Variants in SERPINH1 observed in about 807,000 individuals in gnomAD.
The protein encoded by SERPINH1 is serpin family H member 1.
SERPINH1 carries 22 observed loss-of-function variants against 32.3 expected under a neutral mutation model. That is an observed-to-expected ratio of 0.68 (90% confidence interval 0.49 to 0.97). SERPINH1 has a LOEUF of 0.97. Among genes scored for constraint, SERPINH1 ranks in the 50% least tolerant of loss-of-function variants. SERPINH1 has a pLI of 0.00. For synonymous variants in SERPINH1, 251 were observed against 245.9 expected (o/e 1.02, Z -0.19); for missense variants, 543 against 576.4 (o/e 0.94, Z 0.59).
At chr11:75,568,690 C>A in intron 2 of SERPINH1, 41 bp from the exon 3 acceptor site, 1 of 1,346,808 alleles carries the variant, frequency 7.4e-7, no homozygotes, top group Non-Finnish European at 1.1e-6. Context: ...TGTTTGGGGG[C>A]GGCCATGTGT....
intron 4 of SERPINH1, among the ~76,000 whole-genome samples, chr11:75,570,034 A>G (rs1225320642): frequency 1.3e-5 from 2 of 151,868 alleles, no homozygotes; most frequent in East Asian, 3.9e-4. Context: ...CTCCCTTGCA[A>G]CCACCCTGGG....
chr11:75,567,808 TCA>T (rs1160872335), intron 2 of SERPINH1: 2 of 152,244 alleles, frequency 1.3e-5, no homozygotes. Context: ...AACACTATTC[TCA>T]CAGTTTGCTG....
intron 1 of SERPINH1, among the ~76,000 whole-genome samples, chr11:75,565,898 G>A (rs1217802546): frequency 1.3e-5 from 2 of 152,230 alleles, no homozygotes; most frequent in Non-Finnish European, 2.9e-5. Context: ...AGGACCCCAG[G>A]TCTGGCCAAG....
In SERPINH1 at chr11:75,566,325, G is replaced by A. The variant is rs201848361; in HGVS notation, c.-25G>A. The A allele has an allele frequency of 5.0e-6, 8 of 1,601,058 alleles. No individual in the cohort carries two copies. The highest frequency in any genetic ancestry group is 6.8e-6 in the Non-Finnish European group (8 of 1,174,692). On this transcript the variant is annotated 5_prime_UTR_variant, in exon 2 of 5. Transcript: ENST00000358171. The stretch of plus-strand genomic sequence containing the variant: ...TGTGCAATCCTCACAGGCCCACCGT[G>A]GTGCACGCAAACCACTTCCTGGCCA...
chr11:75,568,359 C>T lies in SERPINH1; in HGVS notation c.623-372C>T, dbSNP rs75530338. 7.3e-3 allele frequency: 2,673 copies of T among 365,852 alleles called. 77 individuals are homozygous for T. The highest frequency in any genetic ancestry group is 0.052 in the African/African-American group (2,499 of 47,692). 22.7% of individuals were successfully genotyped at this position (365,852 alleles called of 1,614,324 possible). On this transcript the variant is annotated intron_variant, in intron 2 of 4. Coordinates refer to ENST00000358171, the MANE Select transcript of SERPINH1 (RefSeq NM_001235.5). ...CACTCCCTGCCCAGGGCACAGCTGTCCCCCAGGTACCAGGGAGGGTAGAAA... is the reference window on the plus strand; with the variant it reads ...CACTCCCTGCCCAGGGCACAGCTGTTCCCCAGGTACCAGGGAGGGTAGAAA...
intron 2 of SERPINH1, chr11:75,567,650 G>A (rs116873713): frequency 1.3e-5 from 2 of 152,552 alleles, no homozygotes; most frequent in Non-Finnish European, 2.9e-5. Context: ...AGCAACCTTG[G>A]GGGCAGGCAG....
Position 75,572,257 on chromosome 11 carries a change from A to G in SERPINH1, c.*174A>G. 1 of 681,370 alleles carries G rather than the reference A, an allele frequency of 1.5e-6. No homozygotes were observed. The highest frequency in any genetic ancestry group is 2.6e-6 in the Non-Finnish European group (1 of 381,902). 42.2% of individuals were successfully genotyped at this position (681,370 alleles called of 1,614,324 possible). A position where few individuals can be genotyped will look rare whatever the true frequency, so the allele number is the denominator to read the frequency against. ...GAGCGGACCTTCCCAGCTAGAATTC[A>G]CTCCACTTGGACATGGGCCCCAGAT... On this transcript the variant is annotated 3_prime_UTR_variant, in exon 5 of 5. Transcript: ENST00000358171.
intron 1 of SERPINH1, among the ~76,000 whole-genome samples, chr11:75,565,913 C>T (rs1054267559): frequency 1.1e-4 from 17 of 152,160 alleles, no homozygotes; most frequent in African/African-American, 4.1e-4. Flanking sequence ...GCCAAGTGAC[C>T]CTGTTTTACC....
chr11:75,571,618 G>C (rs1003811995), intron 4 of SERPINH1, among the ~76,000 whole-genome samples, 163 bp from the exon 5 acceptor site: 7 of 152,238 alleles, frequency 4.6e-5, no homozygotes, highest in Admixed American at 2.0e-4. Context: ...AATTGAGAAA[G>C]CTGTGATTTG....
At position 75,562,281 on chromosome 11, in the gene SERPINH1, G is replaced by GC; in HGVS notation, c.-72dup. 1 of 152,330 alleles carries GC rather than the reference G, an allele frequency of 6.6e-6. No homozygotes were observed. The highest frequency in any genetic ancestry group is 2.1e-4 in the South Asian group (1 of 4,832). The allele number at this position is 152,330 out of a possible 1,614,324, so 9.4% of individuals were successfully genotyped here. A position where few individuals can be genotyped will look rare whatever the true frequency, so the allele number is the denominator to read the frequency against. ...AGTAGAATCGTGTCGCGGCTCGAGA[G>GC]CGAGAGTCACGTCCCGGCGCTAGCC... On this transcript the variant is annotated 5_prime_UTR_variant, in exon 1 of 5. Coordinates refer to ENST00000358171, the MANE Select transcript of SERPINH1 (RefSeq NM_001235.5).
At position 75,572,033 on chromosome 11, in the gene SERPINH1, A is replaced by G. The variant is rs758706956; in HGVS notation, c.1207A>G (p.Ile403Val). 1.5e-5 allele frequency: 25 copies of G among 1,614,086 alleles called. No homozygotes were observed. In the South Asian group the frequency reaches 2.5e-4, roughly 16 times the overall value. Residue 403 changes from isoleucine to valine, a missense_variant, in exon 5 of 5, where the codon ATT becomes GTT. By Grantham distance (29) the Ile-to-Val change is conservative (BLOSUM62 3). This residue lies in a region of SERPINH1 where 427 missense variants were observed against 446.4 expected (regional missense o/e 0.96). Transcript: ENST00000358171. ...CACCCAAAGCGGCTCCCTGCTATTC[A>G]TTGGGCGCCTGGTCCGGCCTAAGGG... The part of the protein sequence containing the change: ...RDTQSGSLLF[I>V]GRLVRPKGDK...
At chr11:75,568,217 A>C (rs1225198841) in intron 2 of SERPINH1, 3 of 178,096 alleles carry the variant, frequency 1.7e-5, no homozygotes, top group Non-Finnish European at 2.4e-5. Context: ...GGAGCCTGGG[A>C]ATTCAAGACT....
rs138784081 is a variant in SERPINH1, at chr11:75,566,914, A to T, written c.565A>T (p.Thr189Ser). 1 of 1,607,380 alleles carries T rather than the reference A, an allele frequency of 6.2e-7. No individual in the cohort carries two copies. Among genetic ancestry groups the T allele is most frequent in the African/African-American group, 1.3e-5 (1 of 74,956 alleles). Residue 189 changes from threonine (T) to serine (S), a missense_variant, in exon 2 of 5, where the codon ACC (threonine) becomes TCC (serine). This residue lies in a region of SERPINH1 where 427 missense variants were observed against 446.4 expected (regional missense o/e 0.96). Transcript: ENST00000358171. Reference sequence around the variant, plus strand: ...CACCGACGGCAAGCTGCCCGAGGTCACCAAGGACGTGGAGCGCACGGACGG... The same window carrying T: ...CACCGACGGCAAGCTGCCCGAGGTCTCCAAGGACGTGGAGCGCACGGACGG... ...QTTDGKLPEV[T>S]KDVERTDGAL...
In SERPINH1 at chr11:75,566,931, C is replaced by T. The variant is rs1188742772; in HGVS notation, c.582C>T (p.Arg194=). 2 of 1,604,724 alleles carry T rather than the reference C, an allele frequency of 1.2e-6. No individual in the cohort carries two copies. Among genetic ancestry groups the T allele is most frequent in the Non-Finnish European group, 8.5e-7 (1 of 1,179,600 alleles). The change falls in exon 2 of 5, where the codon CGC becomes CGT. Residue 194 remains arginine (R), a synonymous_variant. Transcript: ENST00000358171. ...KLPEVTKDVE[R]TDGALLVNAM... ...CCGAGGTCACCAAGGACGTGGAGCG[C>T]ACGGACGGCGCCCTGCTAGTCAACG...
In SERPINH1 at chr11:75,566,919, G is replaced by C. The variant is rs1284728856; in HGVS notation, c.570G>C (p.Lys190Asn). ...ACGGCAAGCTGCCCGAGGTCACCAA[G>C]GACGTGGAGCGCACGGACGGCGCCC... ...TTDGKLPEVTKDVERTDGALL... is the reference protein window; with the variant it reads ...TTDGKLPEVTNDVERTDGALL... Residue 190 changes from lysine (K) to asparagine (N), a missense_variant, in exon 2 of 5, where the codon AAG (lysine) becomes AAC (asparagine). By Grantham distance (94) the Lys-to-Asn change is moderately conservative. Coordinates refer to ENST00000358171, the MANE Select transcript of SERPINH1 (RefSeq NM_001235.5). 1 of 1,606,632 alleles carries C rather than the reference G, an allele frequency of 6.2e-7. No homozygotes were observed. The highest frequency in any genetic ancestry group is 1.3e-5 in the African/African-American group (1 of 74,954).
At chr11:75,563,190 G>GC (rs1345964355) in intron 1 of SERPINH1, 1 of 152,312 alleles carries the variant, frequency 6.6e-6, no homozygotes, top group Non-Finnish European at 1.5e-5. Flanking sequence ...TCCTGAGGTG[G>GC]CTGAAGAGCA....
rs148350892 is a variant in SERPINH1, at chr11:75,569,480, T to C, written c.954+309T>C. On this transcript the variant is annotated intron_variant, in intron 4 of 4. Transcript: ENST00000358171. ...CTCTGTTGCCCAGGCTGGAGTGCAA[T>C]GGTGCCATCTCGACTCACTGCAACC... The C allele has an allele frequency of 1.2e-3, 296 of 241,910 alleles. 1 individual carries two copies. The highest frequency in any genetic ancestry group is 6.1e-3 in the African/African-American group (273 of 44,564). 15.0% of individuals were successfully genotyped at this position (241,910 alleles called of 1,614,324 possible). A position where few individuals can be genotyped will look rare whatever the true frequency, so the allele number is the denominator to read the frequency against.
Position 75,566,756 on chromosome 11 carries a change from G to C in SERPINH1, c.407G>C (p.Gly136Ala). The change falls in exon 2 of 5, where the codon GGA becomes GCA. Residue 136 changes from glycine to alanine, a missense_variant. By Grantham distance (60) the Gly-to-Ala change is moderately conservative. This residue lies in a region of SERPINH1 where 427 missense variants were observed against 446.4 expected (regional missense o/e 0.96). Coordinates refer to ENST00000358171, the MANE Select transcript of SERPINH1 (RefSeq NM_001235.5). Reference sequence around the variant, plus strand: ...TGGAAGCTGGGCAGCCGACTGTACGGACCCAGCTCAGTGAGCTTCGCTGAT... The same window carrying C: ...TGGAAGCTGGGCAGCCGACTGTACGCACCCAGCTCAGTGAGCTTCGCTGAT... ...VTWKLGSRLY[G>A]PSSVSFADDF... 1 of 1,613,234 alleles carries C rather than the reference G, an allele frequency of 6.2e-7. No homozygotes were observed. The highest frequency in any genetic ancestry group is 8.5e-7 in the Non-Finnish European group (1 of 1,179,952).
chr11:75,563,958 A>T (rs1375145236), intron 1 of SERPINH1, among the ~76,000 whole-genome samples: 1 of 152,194 alleles, frequency 6.6e-6, no homozygotes, highest in Non-Finnish European at 1.5e-5. Context: ...CTGTGGCAAG[A>T]TGGGCTGGGC....
Sources: allele counts gnomAD v4.1 joint callset (sites outside exome capture counted in the v4.1 genomes callset), GRCh38; gene constraint gnomAD v4.1.1; regional missense constraint gnomAD v4.1.1; transcripts MANE v1.5; gene names NCBI Gene and HGNC (gene_info 2026-07-23, HGNC 2026-07-21).